The following RBL1 variants were observed in gnomAD, a reference collection of about 807,000 sequenced individuals.
RBL1 encodes retinoblastoma-like protein 1.
A neutral mutation model predicts 123.0 loss-of-function variants in RBL1; 82 were observed. The ratio of observed to expected loss-of-function variants is 0.67; its 90% CI spans 0.56 to 0.80. The LOEUF is 0.80. Ranked by LOEUF, RBL1 falls within the 30% of genes least tolerant of loss-of-function variation. The probability of loss-of-function intolerance (pLI) is 0.00; values close to 1 mark genes in which losing one functional copy is unlikely to be tolerated. For synonymous variants in RBL1, 405 were observed against 441.3 expected, an observed-to-expected ratio of 0.92 and a Z score of 1.03; for missense variants, 1,171 against 1,299.6, an observed-to-expected ratio of 0.90 and a Z score of 1.52.
At chr20:37,072,488 G>A (rs1005441991) in intron 2 of RBL1, among the ~76,000 whole-genome samples, 4 of 152,096 alleles carry the variant, frequency 2.6e-5, no homozygotes, top group African/African-American at 7.2e-5. Flanking sequence ...GGCAACGAGA[G>A]CGAAACTCCG....
chr20:37,084,774 T>A (rs887548487), intron 2 of RBL1, among the ~76,000 whole-genome samples: 7 of 149,904 alleles, frequency 4.7e-5, no homozygotes, highest in South Asian at 2.1e-4. Flanking sequence ...TAGGAAGACC[T>A]TTTTTTTTGA....
chr20:37,018,571 C>G (rs774354367), intron 18 of RBL1, among the ~76,000 whole-genome samples: 3 of 152,116 alleles, frequency 2.0e-5, no homozygotes, highest in African/African-American at 7.2e-5. Flanking sequence ...GAAGAGCCTA[C>G]CATCTAAGAT....
At chr20:37,082,065 G>C in intron 2 of RBL1, 1 of 454,960 alleles carries the variant, frequency 2.2e-6, no homozygotes, top group Non-Finnish European at 4.4e-6. Context: ...CTCTATGCCG[G>C]GGGAGCCTGC....
chr20:37,079,465 A>ATTTTTT (rs768901139), intron 2 of RBL1, among the ~76,000 whole-genome samples: 5 of 115,672 alleles, frequency 4.3e-5, no homozygotes, highest in Admixed American at 9.8e-5. Context: ...GGCTTAAAGC[A>ATTTTTT]TTTTTTTTTT....
chr20:37,068,805 G>A (rs559232535), intron 2 of RBL1, among the ~76,000 whole-genome samples: 38 of 152,282 alleles, frequency 2.5e-4, no homozygotes, highest in African/African-American at 8.7e-4. Context: ...AAGAAACCCC[G>A]TCTCTACTAC....
At chr20:37,086,831 T>A (rs1160491317) in intron 2 of RBL1, among the ~76,000 whole-genome samples, 1 of 151,994 alleles carries the variant, frequency 6.6e-6, no homozygotes, top group East Asian at 1.9e-4. Flanking sequence ...GTGAAAAAAA[T>A]TAATATACAG....
At chr20:37,011,206 T>C (rs146062358) in intron 19 of RBL1, among the ~76,000 whole-genome samples, 4 of 152,222 alleles carry the variant, frequency 2.6e-5, no homozygotes, top group Non-Finnish European at 5.9e-5. Context: ...TTGAGTACAG[T>C]GTTATGTTTG....
chr20:37,043,962 C>G, intron 13 of RBL1, 124 bp downstream of exon 13: 3 of 708,274 alleles, frequency 4.2e-6, no homozygotes, highest in South Asian at 6.3e-5. Context: ...TATTTATATA[C>G]TAAAACCACT....
At chr20:37,035,975 G>C (rs1340573140) in intron 14 of RBL1, among the ~76,000 whole-genome samples, 5 of 152,162 alleles carry the variant, frequency 3.3e-5, no homozygotes, top group Non-Finnish European at 7.3e-5. Flanking sequence ...TAATTTAGTA[G>C]ATATGGAATC....
intron 1 of RBL1, among the ~76,000 whole-genome samples, chr20:37,093,502 C>G (rs903467560): frequency 1.3e-5 from 2 of 151,968 alleles, no homozygotes; most frequent in African/African-American, 4.8e-5. Flanking sequence ...AGCTGAGCAC[C>G]GTGGTGCATG....
At chr20:37,002,336 G>GTTTTTTTTTTTTTTTAT (rs2063999037) in intron 21 of RBL1, among the ~76,000 whole-genome samples, 1 of 76,324 alleles carries the variant, frequency 1.3e-5, no homozygotes, top group African/African-American at 4.4e-5. Flanking sequence ...AGCCTTATCT[G>GTTTTTTTTTTTTTTTAT]TTTTTTTTTT....
chr20:37,056,225 C>G lies in RBL1; in HGVS notation c.1284G>C (p.Met428Ile), dbSNP rs1555860349. Reference sequence around the variant, plus strand: ...TCTCTCCTATTCCTTTTAGTATTTTCATAATGTTTTCCACAGGATTACGCA... The same window carrying G: ...TCTCTCCTATTCCTTTTAGTATTTTGATAATGTTTTCCACAGGATTACGCA... ...SCVRNPVENIMKILKGIGETF... is the reference protein window; with the variant it reads ...SCVRNPVENIIKILKGIGETF... Residue 428 changes from methionine (M) to isoleucine (I), a missense_variant, in exon 10 of 22, where the codon ATG (methionine) becomes ATC (isoleucine). Met to Ile is a conservative substitution (Grantham distance 10, BLOSUM62 1). Coordinates refer to ENST00000373664, the MANE Select transcript of RBL1 (RefSeq NM_002895.5). The G allele has an allele frequency of 4.7e-5, 75 of 1,604,836 alleles. 1 individual carries two copies. In the South Asian group the frequency reaches 7.8e-4, roughly 17 times the overall value.
chr20:37,042,317 A>C (rs891646194), intron 13 of RBL1, among the ~76,000 whole-genome samples: 5 of 152,182 alleles, frequency 3.3e-5, no homozygotes, highest in African/African-American at 1.2e-4. Context: ...CACCAGGGAA[A>C]TGCAAATAAA....
At chr20:37,095,591 C>A (rs1193676569) in intron 1 of RBL1, among the ~76,000 whole-genome samples, 182 bp downstream of exon 1, 2 of 152,140 alleles carry the variant, frequency 1.3e-5, no homozygotes, top group African/African-American at 4.8e-5. Context: ...TTCAGTTTCC[C>A]GCCTCAAAAT....
In RBL1 at chr20:37,088,989, C is replaced by T. The variant is rs1419553534; in HGVS notation, c.290G>A (p.Ser97Asn). ...ATTTAAAAACATCAAAGAGGTTTACCTTAATTTAGCTGAACGTAGTATTCT... is the reference window on the plus strand; with the variant it reads ...ATTTAAAAACATCAAAGAGGTTTACTTTAATTTAGCTGAACGTAGTATTCT... ...LTRILRSAKLSLIQFFSKMKK... is the reference protein window; with the variant it reads ...LTRILRSAKLNLIQFFSKMKK... The change falls in exon 2 of 22, where the codon AGT (serine) becomes AAT (asparagine). Residue 97 changes from serine to asparagine, a missense_variant and splice_region_variant. Coordinates refer to ENST00000373664, the MANE Select transcript of RBL1 (RefSeq NM_002895.5). 5 of 1,577,096 alleles carry T rather than the reference C, an allele frequency of 3.2e-6. No individual in the cohort carries two copies. Among genetic ancestry groups the T allele is most frequent in the Non-Finnish European group, 4.3e-6 (5 of 1,160,646 alleles).
chr20:37,086,432 TA>T (rs2065546886), intron 2 of RBL1, among the ~76,000 whole-genome samples: 1 of 151,782 alleles, frequency 6.6e-6, no homozygotes, highest in Admixed American at 6.6e-5. Context: ...ATTAAAAATA[TA>T]AAAAATTAGC....
At chr20:37,082,992 A>T (rs1196590903) in intron 2 of RBL1, among the ~76,000 whole-genome samples, 1 of 152,156 alleles carries the variant, frequency 6.6e-6, no homozygotes, top group Non-Finnish European at 1.5e-5. Context: ...ACAGAGTAAG[A>T]CCCTGACTCA....
intron 7 of RBL1, among the ~76,000 whole-genome samples, chr20:37,063,240 G>T (rs117842195): frequency 0.02 from 3,109 of 152,210 alleles, 41 homozygotes; most frequent in Non-Finnish European, 0.031. Context: ...ACCATGCCCG[G>T]ATAGTTTTTG....
chr20:37,069,170 C>T (rs1326802166), intron 2 of RBL1, among the ~76,000 whole-genome samples: 4 of 152,222 alleles, frequency 2.6e-5, no homozygotes, highest in Non-Finnish European at 4.4e-5. Context: ...AGTGCAGTGG[C>T]GTGATCTCGG....
Sources: allele counts gnomAD v4.1 joint callset (sites outside exome capture counted in the v4.1 genomes callset), GRCh38; gene constraint gnomAD v4.1.1; transcripts MANE v1.5; gene names NCBI Gene and HGNC (gene_info 2026-07-23, HGNC 2026-07-21).